AGAP1: variants seen among roughly 807,000 people sequenced by gnomAD.
AGAP1 encodes arf-GAP with GTPase, ANK repeat and PH domain-containing protein 1.
Under a neutral mutation model 105.3 loss-of-function variants are expected in AGAP1, and 29 were observed. The ratio of observed to expected loss-of-function variants is 0.28; its 90% confidence interval spans 0.21 to 0.38. AGAP1 has a LOEUF of 0.38. Among genes scored for constraint, AGAP1 ranks in the 10% least tolerant of loss-of-function variants. The pLI, the probability that AGAP1 is intolerant of heterozygous loss-of-function variation, is 1.00. For missense variants in AGAP1, 998 were observed against 1,165.1 expected, an observed-to-expected ratio of 0.86 and a Z score of 2.09; for synonymous variants, 509 against 485.9, an observed-to-expected ratio of 1.05 and a Z score of -0.63.
chr2:236,087,570 C>T lies in AGAP1; in HGVS notation c.2115-32622C>T, dbSNP rs567998968. ...GACGGGCTACTTGGACGGCTCATGCCCACCTCTGACTAGTTTGATGTTCTG... is the reference window on the plus strand; with the variant it reads ...GACGGGCTACTTGGACGGCTCATGCTCACCTCTGACTAGTTTGATGTTCTG... On this transcript the variant is annotated intron_variant, in intron 16 of 17. Transcript: ENST00000304032. The surrounding 1 kb of genome is among the most constrained non-coding windows in gnomAD (Gnocchi z 5.7). 2.6e-5 allele frequency among the ~76,000 whole-genome samples: 4 copies of T among 152,270 alleles called. No homozygotes were observed. Among genetic ancestry groups the T allele is most frequent in the African/African-American group, 9.6e-5 (4 of 41,562 alleles).
chr2:235,674,991 ATTTT>A (rs1284838087), intron 1 of AGAP1, among the ~76,000 whole-genome samples: 1 of 151,170 alleles, frequency 6.6e-6, no homozygotes, highest in African/African-American at 2.4e-5. Context: ...TTATTTTATT[ATTTT>A]ATTATTTTTA....
At chr2:235,795,954 ACTTAT>A (rs1451646037) in intron 6 of AGAP1, among the ~76,000 whole-genome samples, 4 of 152,172 alleles carry the variant, frequency 2.6e-5, no homozygotes, top group Admixed American at 6.5e-5. Flanking sequence ...AACATATTTG[ACTTAT>A]CTTAGGAAGT....
intron 9 of AGAP1, among the ~76,000 whole-genome samples, chr2:235,809,495 C>T (rs894446882): frequency 1.1e-4 from 17 of 152,262 alleles, no homozygotes; most frequent in Middle Eastern, 3.4e-3. Flanking sequence ...CTCCAGGCCT[C>T]GGGTGCCTCG....
intron 6 of AGAP1, among the ~76,000 whole-genome samples, chr2:235,759,612 A>AT (rs2149773778): frequency 6.6e-6 from 1 of 152,294 alleles, no homozygotes; most frequent in African/African-American, 2.4e-5. Flanking sequence ...AGGAGACTTG[A>AT]TTCAGCCTGT....
chr2:235,913,969 A>ATT (rs1252057455), intron 11 of AGAP1, among the ~76,000 whole-genome samples: 1 of 143,876 alleles, frequency 7.0e-6, no homozygotes, highest in Non-Finnish European at 1.5e-5. Context: ...AAAGTTCAGC[A>ATT]TTTTTTTTTT....
rs1331262812 is a variant in AGAP1, at chr2:235,927,993, G to T, written c.1325-2772G>T. Among the ~76,000 whole-genome samples the T allele has an allele frequency of 2.6e-5, 4 of 152,200 alleles. No homozygotes were observed. The highest frequency in any genetic ancestry group is 5.9e-5 in the Non-Finnish European group (4 of 68,034). ...CTGATTGGGCATTGCAGTGTGGAAG[G>T]AATTACCTCCTTATCATCTTACCTA... is the stretch of plus-strand genomic sequence containing the variant. On this transcript the variant is annotated intron_variant, in intron 11 of 17. Coordinates refer to ENST00000304032, the MANE Select transcript of AGAP1 (RefSeq NM_001037131.3). This position sits in a 1 kb window ranked among gnomAD's most constrained non-coding sequence, Gnocchi z 4.4.
intron 16 of AGAP1, among the ~76,000 whole-genome samples, chr2:236,107,668 G>A (rs924283185): frequency 6.6e-6 from 1 of 152,146 alleles, no homozygotes; most frequent in African/African-American, 2.4e-5. Flanking sequence ...CCCTCCCCTT[G>A]CCTCAATCCC....
intron 9 of AGAP1, among the ~76,000 whole-genome samples, chr2:235,873,797 G>A (rs927109397): frequency 1.3e-5 from 2 of 151,656 alleles, no homozygotes; most frequent in Non-Finnish European, 1.5e-5. Flanking sequence ...GCACAATCAC[G>A]ACTCACTGCA....
At chr2:235,774,580 G>T (rs1368653249) in intron 6 of AGAP1, 2 of 309,584 alleles carry the variant, frequency 6.5e-6, no homozygotes, top group Non-Finnish European at 1.3e-5. Context: ...AAATGGAAAT[G>T]AAGCCAGGGC....
chr2:235,856,373 C>T (rs1372760802), intron 9 of AGAP1, among the ~76,000 whole-genome samples: 1 of 152,190 alleles, frequency 6.6e-6, no homozygotes, highest in Non-Finnish European at 1.5e-5. Flanking sequence ...TTCTCTGACT[C>T]ATAGAAGCAG....
chr2:236,019,529 C>CGGAA (rs2056819089), intron 13 of AGAP1, among the ~76,000 whole-genome samples: 1 of 152,198 alleles, frequency 6.6e-6, no homozygotes, highest in Non-Finnish European at 1.5e-5. Context: ...TCTTTTCCTC[C>CGGAA]TTGTTTTATA....
At chr2:235,670,452 C>T (rs1948332570) in intron 1 of AGAP1, 3 of 538,514 alleles carry the variant, frequency 5.6e-6, no homozygotes, top group Non-Finnish European at 6.7e-6. Flanking sequence ...CTGGAACCCG[C>T]GGACCTGGCC....
intron 13 of AGAP1, among the ~76,000 whole-genome samples, chr2:236,025,772 C>A (rs1324933397): frequency 1.3e-5 from 2 of 152,040 alleles, no homozygotes; most frequent in Non-Finnish European, 2.9e-5. Context: ...CGTGGTGGCT[C>A]ACACCTGTAA....
intron 1 of AGAP1, among the ~76,000 whole-genome samples, chr2:235,567,707 T>A (rs1461166268): frequency 7.2e-6 from 1 of 139,612 alleles, no homozygotes; most frequent in Non-Finnish European, 1.5e-5. Flanking sequence ...GGGAAGAGCA[T>A]CTGATGGTGG....
chr2:235,884,182 A>G (rs1219225115), intron 10 of AGAP1, among the ~76,000 whole-genome samples: 2 of 152,116 alleles, frequency 1.3e-5, no homozygotes, highest in African/African-American at 2.4e-5. Context: ...TATATGGTGG[A>G]AGTCAGTCAT....
rs1055766709 is a variant in AGAP1 at position 236,089,263 on chromosome 2, A to G, written c.2115-30929A>G. Among the ~76,000 whole-genome samples, 2 of 152,208 alleles carry G rather than the reference A, an allele frequency of 1.3e-5. No homozygotes were observed. Among genetic ancestry groups the G allele is most frequent in the African/African-American group, 2.4e-5 (1 of 41,450 alleles). On this transcript the variant is annotated intron_variant, in intron 16 of 17. Transcript: ENST00000304032. This position sits in a 1 kb window ranked among gnomAD's most constrained non-coding sequence, Gnocchi z 5.6. The stretch of plus-strand genomic sequence containing the variant: ...TAAAAAGTTAAAGTCAGTCTAGTCA[A>G]TTGCTTTAACACAAAGAGCAAACTG...
At chr2:235,531,848 T>C (rs1170696885) in intron 1 of AGAP1, among the ~76,000 whole-genome samples, 1 of 117,808 alleles carries the variant, frequency 8.5e-6, no homozygotes, top group African/African-American at 3.9e-5. Context: ...CTGACCTTCG[T>C]TGATCCATGT....
rs562593424 is a variant in AGAP1, at chr2:235,750,084, A to C, written c.539-270A>C. ...CCTTTCTAAAGTATGTATCCTCTAG[A>C]CCCATATTTAAGTCTTTTTCCTTCT... On this transcript the variant is annotated intron_variant, in intron 5 of 17. Coordinates refer to ENST00000304032, the MANE Select transcript of AGAP1 (RefSeq NM_001037131.3). The surrounding 1 kb of genome is among the most constrained non-coding windows in gnomAD (Gnocchi z 5.3). Among the ~76,000 whole-genome samples the C allele has an allele frequency of 6.6e-6, 1 of 152,096 alleles. No individual in the cohort carries two copies. The highest frequency in any genetic ancestry group is 2.4e-5 in the African/African-American group (1 of 41,422).
intron 6 of AGAP1, chr2:235,774,026 TTAC>T (rs891444957): frequency 2.2e-6 from 1 of 463,406 alleles, no homozygotes; most frequent in African/African-American, 2.0e-5. Flanking sequence ...GAGATAGCAA[TTAC>T]TACTACTATT....
Sources: allele counts gnomAD v4.1 joint callset (sites outside exome capture counted in the v4.1 genomes callset), GRCh38; gene constraint gnomAD v4.1.1; non-coding constraint Gnocchi (gnomAD v3.1); transcripts MANE v1.5; gene names NCBI Gene and HGNC (gene_info 2026-07-23, HGNC 2026-07-21).